Variants in DST observed in about 807,000 individuals in gnomAD.
The protein encoded by DST is bullous pemphigoid antigen.
Under a neutral mutation model 875.2 loss-of-function variants are expected in DST, and 253 were observed. The observed-to-expected ratio is 0.29, with a 90% CI of 0.26 to 0.32. The LOEUF (loss-of-function observed/expected upper bound fraction) is 0.32. Ranked by LOEUF, DST falls within the 10% of genes least tolerant of loss-of-function variation. The pLI, the probability that DST is intolerant of heterozygous loss-of-function variation, is 1.00. For missense variants in DST, 8,287 were observed against 9,111.6 expected (o/e 0.91, Z 3.68); for synonymous variants, 3,124 against 3,197.1 (o/e 0.98, Z 0.77).
chr6:56,732,792 C>T (rs528842922), intron 5 of DST, among the ~76,000 whole-genome samples: 64 of 152,306 alleles, frequency 4.2e-4, no homozygotes, highest in African/African-American at 1.5e-3. Context: ...AACCCCACAT[C>T]CAAGGGGAAC....
Position 56,601,523 on chromosome 6 carries a change from C to G in DST, c.11461G>C (p.Asp3821His), listed in dbSNP as rs950083167. Residue 3821 changes from aspartate to histidine, a missense_variant, in exon 44 of 104, where the codon GAT (aspartate) becomes CAT (histidine). Transcript: ENST00000680361. ...LLNTTQKCFL[D>H]VQESVTTQVE... ...TGGGTAGTTACTGACTCCTGTACAT[C>G]AAGAAAACACTTCTGAGTTGTATTT... The G allele has an allele frequency of 6.2e-7, 1 of 1,606,216 alleles. No homozygotes were observed. Among genetic ancestry groups the G allele is most frequent in the African/African-American group, 1.3e-5 (1 of 74,904 alleles).
intron 2 of DST, among the ~76,000 whole-genome samples, chr6:56,939,119 C>G (rs1477176279): frequency 6.6e-6 from 1 of 152,216 alleles, no homozygotes; most frequent in Non-Finnish European, 1.5e-5. Flanking sequence ...ATATGCCTCC[C>G]AGGCACAAGA....
chr6:56,850,884 A>T (rs1451772512), intron 4 of DST, among the ~76,000 whole-genome samples: 1 of 152,246 alleles, frequency 6.6e-6, no homozygotes, highest in Non-Finnish European at 1.5e-5. Context: ...GCTGCTATGG[A>T]TACAATGATG....
chr6:56,701,088 T>C (rs1402052292), intron 8 of DST, among the ~76,000 whole-genome samples: 1 of 148,936 alleles, frequency 6.7e-6, no homozygotes, highest in Non-Finnish European at 1.5e-5. Context: ...CAAGTGACCC[T>C]CCCGCCTCAG....
At chr6:56,724,855 C>T (rs1197006560) in intron 5 of DST, among the ~76,000 whole-genome samples, 1 of 152,120 alleles carries the variant, frequency 6.6e-6, no homozygotes, top group Non-Finnish European at 1.5e-5. Flanking sequence ...GACTCAAATA[C>T]ATAAAAAAGC....
In DST at chr6:56,722,868, G is replaced by C. The variant is rs79810505; in HGVS notation, c.687+12360C>G. Among the ~76,000 whole-genome samples the C allele has an allele frequency of 3.4e-3, 514 of 152,346 alleles. 4 individuals carry two copies. The highest frequency in any genetic ancestry group is 0.012 in the African/African-American group (497 of 41,572). On this transcript the variant is annotated intron_variant, in intron 5 of 103. Transcript: ENST00000680361. ...AGATCATAACATAGGTAACTTCTGT[G>C]CATGCTCTGGCATTGTATAGCTCTG...
chr6:56,533,877 G>A (rs1212779590), intron 63 of DST, among the ~76,000 whole-genome samples: 2 of 151,994 alleles, frequency 1.3e-5, no homozygotes, highest in African/African-American at 2.4e-5. Context: ...ATTAAAGTAA[G>A]CAGTAAGTCT....
intron 3 of DST, among the ~76,000 whole-genome samples, chr6:56,867,085 C>A (rs1013933411): frequency 4.6e-5 from 7 of 152,196 alleles, no homozygotes; most frequent in Non-Finnish European, 1.0e-4. Flanking sequence ...AATGGGATTG[C>A]TCTCAGCAAG....
At chr6:56,884,735 T>C (rs1783829051) in intron 3 of DST, among the ~76,000 whole-genome samples, 1 of 152,190 alleles carries the variant, frequency 6.6e-6, no homozygotes, top group African/African-American at 2.4e-5. Flanking sequence ...AGCTCATTTT[T>C]TTTTTCTTTT....
chr6:56,916,778 T>TCTCTCTCTCACACA (rs1470233953), intron 2 of DST, among the ~76,000 whole-genome samples: 28 of 91,344 alleles, frequency 3.1e-4, no homozygotes, highest in African/African-American at 1.2e-3. Context: ...TCTCTCTCTC[T>TCTCTCTCTCACACA]CACACACACA....
At chr6:56,725,278 T>A (rs2152918636) in intron 5 of DST, among the ~76,000 whole-genome samples, 1 of 152,182 alleles carries the variant, frequency 6.6e-6, no homozygotes, top group East Asian at 1.9e-4. Context: ...TGAGGCAGAC[T>A]CCAGGTATGA....
In DST at chr6:56,494,432, G is replaced by A. The variant is rs143790613; in HGVS notation, c.20224-252C>T. On this transcript the variant is annotated intron_variant, in intron 82 of 103. Coordinates refer to ENST00000680361, the MANE Select transcript of DST (RefSeq NM_001374736.1). ...CCATTCTGGCATGCTAAGATTTGAA[G>A]CAACAGTTTAAATGCTGTCAAGAAA... Among the ~76,000 whole-genome samples the A allele has an allele frequency of 6.6e-5, 10 of 152,194 alleles. 1 individual carries two copies. The East Asian group carries it at 1.9e-3, about 29-fold the overall frequency.
intron 5 of DST, among the ~76,000 whole-genome samples, chr6:56,704,623 C>T (rs1396674110): frequency 6.6e-6 from 1 of 152,026 alleles, no homozygotes; most frequent in Non-Finnish European, 1.5e-5. Context: ...AAACATAAGC[C>T]TGGACTACTA....
At chr6:56,905,530 T>C (rs1369576747) in intron 2 of DST, among the ~76,000 whole-genome samples, 1 of 152,232 alleles carries the variant, frequency 6.6e-6, no homozygotes, top group Non-Finnish European at 1.5e-5. Flanking sequence ...GTGACTGAGT[T>C]ATTGCACCTA....
At chr6:56,940,034 A>C (rs1815533443) in intron 2 of DST, among the ~76,000 whole-genome samples, 1 of 152,044 alleles carries the variant, frequency 6.6e-6, no homozygotes, top group African/African-American at 2.4e-5. Flanking sequence ...TCAAAAAAAA[A>C]AATTTTATAT....
At chr6:56,477,539 A>G in intron 90 of DST, 51 bp from the exon 91 acceptor site, 1 of 1,608,796 alleles carries the variant, frequency 6.2e-7, no homozygotes, top group Non-Finnish European at 8.5e-7. Context: ...GCTGAAAACA[A>G]AACTCTGGTG....
chr6:56,676,942 G>A (rs1270381298), intron 9 of DST, among the ~76,000 whole-genome samples: 1 of 151,960 alleles, frequency 6.6e-6, no homozygotes, highest in Non-Finnish European at 1.5e-5. Flanking sequence ...TCAGTTAAGA[G>A]GAATAAATTT....
intron 9 of DST, among the ~76,000 whole-genome samples, chr6:56,673,933 A>C (rs2099115417): frequency 2.0e-5 from 3 of 152,236 alleles, no homozygotes; most frequent in South Asian, 2.1e-4. Flanking sequence ...GGTATTTTTT[A>C]AAATACTGTT....
At chr6:56,620,571 A>T in intron 36 of DST, 3 of 1,613,922 alleles carry the variant, frequency 1.9e-6, no homozygotes, top group Non-Finnish European at 2.5e-6. Flanking sequence ...TCTACTCGGG[A>T]CTTTTGTTTC....
Sources: allele counts gnomAD v4.1 joint callset (sites outside exome capture counted in the v4.1 genomes callset), GRCh38; gene constraint gnomAD v4.1.1; transcripts MANE v1.5; gene names NCBI Gene and HGNC (gene_info 2026-07-23, HGNC 2026-07-21).